The following SLC34A2 variants were observed in gnomAD, a reference collection of about 807,000 sequenced individuals.
The protein encoded by SLC34A2 is solute carrier family 34 member 2.
Under a neutral mutation model 50.8 loss-of-function variants are expected in SLC34A2, and 41 were observed. The ratio of observed to expected loss-of-function variants is 0.81; its 90% CI spans 0.63 to 1.05. The LOEUF (loss-of-function observed/expected upper bound fraction) is 1.05. Among genes scored for constraint, SLC34A2 ranks in the 50% least tolerant of loss-of-function variants. SLC34A2 has a pLI of 0.00. For missense variants in SLC34A2, 879 were observed against 876.7 expected (o/e 1.00, Z -0.03); for synonymous variants, 401 against 364.2 (o/e 1.10, Z -1.15).
chr4:25,664,180 C>A, intron 3 of SLC34A2, 22 bp from the exon 4 acceptor site: 2 of 1,600,760 alleles, frequency 1.2e-6, no homozygotes, highest in Non-Finnish European at 8.6e-7. Context: ...TCTCTCTCTC[C>A]CCCCATCCCA....
Position 25,676,628 on chromosome 4 carries a change from C to A in SLC34A2, c.1952C>A (p.Ala651Glu). Residue 651 changes from alanine (A) to glutamate (E), a missense_variant, in exon 13 of 13, where the codon GCG (alanine) becomes GAG (glutamate). Coordinates refer to ENST00000382051, the MANE Select transcript of SLC34A2 (RefSeq NM_006424.3). ...CSKCCEDLEEAQEGQDVPVKA... is the reference protein window; with the variant it reads ...CSKCCEDLEEEQEGQDVPVKA... ...AAGTGCTGCGAGGACTTGGAGGAGGCGCAGGAGGGGCAGGATGTCCCTGTC... is the reference window on the plus strand; with the variant it reads ...AAGTGCTGCGAGGACTTGGAGGAGGAGCAGGAGGGGCAGGATGTCCCTGTC... 1.2e-6 allele frequency: 2 copies of A among 1,614,016 alleles called. No individual in the cohort carries two copies. Among genetic ancestry groups the A allele is most frequent in the Non-Finnish European group, 1.7e-6 (2 of 1,179,892 alleles).
chr4:25,661,280 C>T (rs560506185), intron 1 of SLC34A2, among the ~76,000 whole-genome samples: 3 of 152,298 alleles, frequency 2.0e-5, no homozygotes, highest in African/African-American at 4.8e-5. Context: ...CCTAAATACA[C>T]ACTCATTAAT....
chr4:25,676,811 T>G lies in SLC34A2; in HGVS notation c.*62T>G. 6.2e-7 allele frequency: 1 copy of G among 1,609,010 alleles called. No homozygotes were observed. The highest frequency in any genetic ancestry group is 2.2e-5 in the East Asian group (1 of 44,754). On this transcript the variant is annotated 3_prime_UTR_variant, in exon 13 of 13. Coordinates refer to ENST00000382051, the MANE Select transcript of SLC34A2 (RefSeq NM_006424.3). Reference sequence around the variant, plus strand: ...CTTGAGTTTTGCATGCTCTCCTCCCTCCCACTTCTGCACCCTTTCACCACC... The same window carrying G: ...CTTGAGTTTTGCATGCTCTCCTCCCGCCCACTTCTGCACCCTTTCACCACC...
In SLC34A2 at chr4:25,666,224, G is replaced by C. The variant is rs748188355; in HGVS notation, c.476G>C (p.Ser159Thr). Residue 159 changes from serine to threonine, a missense_variant, in exon 5 of 13, where the codon AGC becomes ACC. Physicochemically the swap from Ser to Thr is moderately conservative, Grantham distance 58 (BLOSUM62 1). Coordinates refer to ENST00000382051, the MANE Select transcript of SLC34A2 (RefSeq NM_006424.3). ...GTGCTGGTGACCGTCTTGGTGCAGA[G>C]CTCCAGCACCTCAACGTCCATCGTT... ...IGVLVTVLVQ[S>T]SSTSTSIVVS... 3 of 1,614,026 alleles carry C rather than the reference G, an allele frequency of 1.9e-6. No homozygotes were observed. In the South Asian group the frequency reaches 3.3e-5, roughly 18 times the overall value.
At position 25,678,687 on chromosome 4, in the gene SLC34A2, A is replaced by ATT. The variant is rs67542457; in HGVS notation, c.*1956_*1957dup. On this transcript the variant is annotated 3_prime_UTR_variant, in exon 13 of 13. Coordinates refer to ENST00000382051, the MANE Select transcript of SLC34A2 (RefSeq NM_006424.3). Reference sequence around the variant, plus strand: ...TGAGCCACCACCAGGCCTGATTGTAATTTTTTTTTTTTTTTTTTTACTGGT... The same window carrying ATT: ...TGAGCCACCACCAGGCCTGATTGTAATTTTTTTTTTTTTTTTTTTTTACTGGT... The ATT allele has an allele frequency of 3.5e-3, 1,122 of 322,978 alleles. 1 individual carries two copies. Among genetic ancestry groups the ATT allele is most frequent in the African/African-American group, 7.9e-3 (346 of 43,976 alleles). 20.0% of individuals were successfully genotyped at this position (322,978 alleles called of 1,614,324 possible).
chr4:25,660,445 AG>A (rs1279238160), intron 1 of SLC34A2, among the ~76,000 whole-genome samples: 5 of 152,364 alleles, frequency 3.3e-5, no homozygotes, highest in African/African-American at 9.6e-5. Context: ...CAGAGCTTCT[AG>A]CAGTGTTCAA....
intron 1 of SLC34A2, 29 bp from the exon 2 acceptor site, chr4:25,662,469 G>A (rs758913576): frequency 2.5e-6 from 4 of 1,592,088 alleles, no homozygotes; most frequent in Non-Finnish European, 3.4e-6. Context: ...TTCCATGACT[G>A]CTGCTTTAAG....
In SLC34A2 at chr4:25,662,895, G is replaced by A. The variant is rs909129602; in HGVS notation, c.250+53G>A. Reference sequence around the variant, plus strand: ...AGGAGGGAAACTTCCTGTGGTTCACGGTGTCATCATCCTCCTGTCCCTCCC... The same window carrying A: ...AGGAGGGAAACTTCCTGTGGTTCACAGTGTCATCATCCTCCTGTCCCTCCC... On this transcript the variant is annotated intron_variant, in intron 3 of 12. Transcript: ENST00000382051. The A allele has an allele frequency of 7.7e-5, 123 of 1,603,124 alleles. 2 individuals carry two copies. In the South Asian group the frequency reaches 1.2e-3, roughly 15 times the overall value.
At chr4:25,657,762 A>T (rs1364788932) in intron 1 of SLC34A2, among the ~76,000 whole-genome samples, 2 of 152,140 alleles carry the variant, frequency 1.3e-5, no homozygotes, top group African/African-American at 4.8e-5. Context: ...AGAGATTATT[A>T]TTAGCAGTAA....
At chr4:25,674,467 C>T (rs1426628951) in intron 11 of SLC34A2, 38 bp from the exon 12 acceptor site, 1 of 1,614,228 alleles carries the variant, frequency 6.2e-7, no homozygotes. Context: ...CCTGTCATCC[C>T]ATGGGGCTGA....
intron 6 of SLC34A2, among the ~76,000 whole-genome samples, chr4:25,669,427 A>G (rs772574083): frequency 2.0e-5 from 3 of 152,198 alleles, no homozygotes; most frequent in Non-Finnish European, 2.9e-5. Flanking sequence ...CAGCCGTAAC[A>G]TGCTTGCTGG....
At chr4:25,661,608 G>A (rs1714188567) in intron 1 of SLC34A2, among the ~76,000 whole-genome samples, 4 of 152,038 alleles carry the variant, frequency 2.6e-5, no homozygotes, top group Admixed American at 2.0e-4. Flanking sequence ...GGCTGGTCTC[G>A]AACTTCTGAC....
chr4:25,678,412 G>A lies in SLC34A2; in HGVS notation c.*1663G>A, dbSNP rs73809809. ...GAAATGTAAAGAAAGAAACCACTTT[G>A]TATATTTTGTAATACCACCTCTGTG... On this transcript the variant is annotated 3_prime_UTR_variant, in exon 13 of 13. Coordinates refer to ENST00000382051, the MANE Select transcript of SLC34A2 (RefSeq NM_006424.3). 2,453 of 156,176 alleles carry A rather than the reference G, an allele frequency of 0.016. 67 individuals are homozygous for A. Among genetic ancestry groups the A allele is most frequent in the African/African-American group, 0.056 (2,321 of 41,566 alleles). 9.7% of individuals were successfully genotyped at this position (156,176 alleles called of 1,614,324 possible). A position where few individuals can be genotyped will look rare whatever the true frequency, so the allele number is the denominator to read the frequency against.
chr4:25,664,379 A>T, intron 4 of SLC34A2, 49 bp downstream of exon 4: 1 of 1,610,430 alleles, frequency 6.2e-7, no homozygotes. Flanking sequence ...ATTATCTTGA[A>T]ATGTGGTTCC....
chr4:25,677,003 G>A lies in SLC34A2; in HGVS notation c.*254G>A, dbSNP rs973543881. 2 of 540,388 alleles carry A rather than the reference G, an allele frequency of 3.7e-6. No homozygotes were observed. The highest frequency in any genetic ancestry group is 3.3e-6 in the Non-Finnish European group (1 of 302,786). 33.5% of individuals were successfully genotyped at this position (540,388 alleles called of 1,614,324 possible). A position where few individuals can be genotyped will look rare whatever the true frequency, so the allele number is the denominator to read the frequency against. On this transcript the variant is annotated 3_prime_UTR_variant, in exon 13 of 13. Coordinates refer to ENST00000382051, the MANE Select transcript of SLC34A2 (RefSeq NM_006424.3). ...AGGATGGTACCTAAAGAGAATTAGA[G>A]AATGAACCTGGCGGGACGGATGTCT...
At chr4:25,672,146 C>G (rs1348547227) in intron 9 of SLC34A2, among the ~76,000 whole-genome samples, 1 of 152,092 alleles carries the variant, frequency 6.6e-6, no homozygotes, top group African/African-American at 2.4e-5. Context: ...ACCAGCCTGG[C>G]CAACATGGTG....
intron 4 of SLC34A2, chr4:25,664,932 A>G (rs1375047856): frequency 4.3e-6 from 1 of 232,260 alleles, no homozygotes; most frequent in Admixed American, 5.6e-5. Context: ...CCCTCTATCA[A>G]ACATTCTTTC....
Position 25,673,090 on chromosome 4 carries a change from A to C in SLC34A2, c.1052A>C (p.Gln351Pro). The stretch of plus-strand genomic sequence containing the variant: ...AAGATTCTTTGTGGTCTTTCAGGCC[A>C]GCATATCTTTGTGAATTTCCACCTC... Reference protein sequence around the residue: ...VTYKENIAKCQHIFVNFHLPD... With the variant: ...VTYKENIAKCPHIFVNFHLPD... Residue 351 changes from glutamine to proline, a missense_variant, in exon 10 of 13, where the codon CAG becomes CCG. Physicochemically the swap from Gln to Pro is moderately conservative, Grantham distance 76. Coordinates refer to ENST00000382051, the MANE Select transcript of SLC34A2 (RefSeq NM_006424.3). The C allele has an allele frequency of 6.2e-7, 1 of 1,614,100 alleles. No homozygotes were observed. The highest frequency in any genetic ancestry group is 8.5e-7 in the Non-Finnish European group (1 of 1,180,020).
Position 25,678,694 on chromosome 4 carries a change from T to C in SLC34A2, c.*1945T>C. 2.2e-6 allele frequency: 1 copy of C among 452,636 alleles called. No individual in the cohort carries two copies. Among genetic ancestry groups the C allele is most frequent in the Non-Finnish European group, 4.0e-6 (1 of 249,348 alleles). The allele number at this position is 452,636 out of a possible 1,614,324, so 28.0% of individuals were successfully genotyped here. A position where few individuals can be genotyped will look rare whatever the true frequency, so the allele number is the denominator to read the frequency against. On this transcript the variant is annotated 3_prime_UTR_variant, in exon 13 of 13. Coordinates refer to ENST00000382051, the MANE Select transcript of SLC34A2 (RefSeq NM_006424.3). ...CCACCAGGCCTGATTGTAATTTTTT[T>C]TTTTTTTTTTTTACTGGTTATGGGA...
Sources: gnomAD v4.1 joint callset for allele counts (sites outside exome capture counted in the v4.1 genomes callset) on GRCh38, gnomAD v4.1.1 for gene constraint, MANE v1.5 for transcripts, NCBI Gene and HGNC (gene_info 2026-07-23, HGNC 2026-07-21) for gene names.